RASGEF1C: variants seen among roughly 807,000 people sequenced by gnomAD.
The protein encoded by RASGEF1C is RasGEF domain family member 1C, also known as ras-GEF domain-containing family member 1C.
A neutral mutation model predicts 58.1 loss-of-function variants in RASGEF1C; 27 were observed. The observed-to-expected ratio is 0.46, with a 90% confidence interval of 0.34 to 0.64. RASGEF1C has a LOEUF of 0.64. Ranked by LOEUF, RASGEF1C falls within the 30% of genes least tolerant of loss-of-function variation. The pLI, the probability that RASGEF1C is intolerant of heterozygous loss-of-function variation, is 0.01. For missense variants in RASGEF1C, 502 were observed against 605.1 expected, an observed-to-expected ratio of 0.83 and a Z score of 1.79; for synonymous variants, 243 against 246.3, an observed-to-expected ratio of 0.99 and a Z score of 0.13.
intron 3 of RASGEF1C, chr5:180,136,801 C>G (rs986416752): frequency 2.2e-6 from 1 of 464,356 alleles, no homozygotes; most frequent in Non-Finnish European, 3.9e-6. Context: ...GTCCTCAGAG[C>G]AGGGGACCCT....
chr5:180,199,405 A>G (rs955355313), intron 1 of RASGEF1C, among the ~76,000 whole-genome samples: 1 of 152,198 alleles, frequency 6.6e-6, no homozygotes, highest in Admixed American at 6.5e-5. Context: ...GCCAGAAAGG[A>G]CACTAAACAA....
chr5:180,177,295 G>A lies in RASGEF1C; in HGVS notation c.-7+31733C>T, dbSNP rs1178753222. 1.3e-5 allele frequency among the ~76,000 whole-genome samples: 2 copies of A among 152,222 alleles called. No individual in the cohort carries two copies. The highest frequency in any genetic ancestry group is 4.8e-5 in the African/African-American group (2 of 41,464). ...CTTTCCGGCCCCACCTCCCCACCCA[G>A]TGAAGGGGCTGGCCTGCCCGGCTCA... is the stretch of plus-strand genomic sequence containing the variant. On this transcript the variant is annotated intron_variant, in intron 1 of 13. Transcript: ENST00000361132. The surrounding 1 kb of genome is among the most constrained non-coding windows in gnomAD (Gnocchi z 5.0).
chr5:180,167,990 C>T (rs748677826), intron 1 of RASGEF1C, among the ~76,000 whole-genome samples: 5 of 152,176 alleles, frequency 3.3e-5, no homozygotes, highest in African/African-American at 2.4e-5. Context: ...TGCTACCTAG[C>T]GGCCAGTCTG....
intron 8 of RASGEF1C, 38 bp downstream of exon 8, chr5:180,119,308 C>G (rs774254070): frequency 1.5e-5 from 23 of 1,538,630 alleles, no homozygotes; most frequent in Non-Finnish European, 2.1e-5. Context: ...TCGGGGGACC[C>G]GTGCACTGGG....
At chr5:180,180,032 G>A (rs1335101543) in intron 1 of RASGEF1C, among the ~76,000 whole-genome samples, 1 of 152,224 alleles carries the variant, frequency 6.6e-6, no homozygotes, top group Admixed American at 6.5e-5. Context: ...GGAGCTGCCA[G>A]CTAGGCGGGG....
chr5:180,185,161 G>A (rs944928484), intron 1 of RASGEF1C, among the ~76,000 whole-genome samples: 3 of 151,812 alleles, frequency 2.0e-5, no homozygotes, highest in Non-Finnish European at 4.4e-5. Flanking sequence ...GTGTAGTGGC[G>A]GGCACCTGTA....
intron 1 of RASGEF1C, among the ~76,000 whole-genome samples, chr5:180,191,118 T>C (rs1046577700): frequency 1.3e-5 from 2 of 152,188 alleles, no homozygotes; most frequent in Admixed American, 1.3e-4. Context: ...TTAGAACGGC[T>C]AAAACTTAAA....
Position 180,174,514 on chromosome 5 carries a change from G to A in RASGEF1C, c.-7+34514C>T, listed in dbSNP as rs375034126. 3.1e-4 allele frequency among the ~76,000 whole-genome samples: 46 copies of A among 149,762 alleles called. No individual in the cohort carries two copies. In the South Asian group the frequency reaches 4.4e-3, roughly 14 times the overall value. ...CGCGTGTGTGTCTGTGTGTGCGTGCGCGTACACACGTGTGTCTCTGTGTGT... is the reference window on the plus strand; with the variant it reads ...CGCGTGTGTGTCTGTGTGTGCGTGCACGTACACACGTGTGTCTCTGTGTGT... On this transcript the variant is annotated intron_variant, in intron 1 of 13. Transcript: ENST00000361132.
chr5:180,191,435 C>A (rs1055730418), intron 1 of RASGEF1C, among the ~76,000 whole-genome samples: 2 of 152,140 alleles, frequency 1.3e-5, no homozygotes, highest in Non-Finnish European at 2.9e-5. Flanking sequence ...CAGCTCACTG[C>A]AAGCTCCGCC....
rs568009159 is a variant in RASGEF1C at position 180,107,049 on chromosome 5, A to G, written c.1303+4408T>C. ...TGTTTCTGGTAATTTTCTTTCTCCT[A>G]AAGTGTGCTTTATCTGAAATTAATA... On this transcript the variant is annotated intron_variant, in intron 12 of 13. Transcript: ENST00000361132. Among the ~76,000 whole-genome samples, 13 of 152,280 alleles carry G rather than the reference A, an allele frequency of 8.5e-5. No individual in the cohort carries two copies. The South Asian group carries it at 2.7e-3, about 32-fold the overall frequency.
intron 8 of RASGEF1C, 79 bp downstream of exon 8, chr5:180,119,267 C>G: frequency 8.1e-7 from 1 of 1,231,090 alleles, no homozygotes; most frequent in South Asian, 1.2e-5. Context: ...GGCTTGCACT[C>G]TGCCTGCCTG....
At chr5:180,110,356 G>C (rs1765938314) in intron 12 of RASGEF1C, among the ~76,000 whole-genome samples, 1 of 147,646 alleles carries the variant, frequency 6.8e-6, no homozygotes, top group Admixed American at 6.7e-5. Context: ...AAAGTTGAAA[G>C]TATTCAAAAG....
intron 1 of RASGEF1C, among the ~76,000 whole-genome samples, chr5:180,157,157 T>C (rs1465093917): frequency 6.6e-6 from 1 of 152,248 alleles, no homozygotes; most frequent in Non-Finnish European, 1.5e-5. Context: ...GCAATCTCAT[T>C]TCTTGGTATT....
chr5:180,116,828 TG>T (rs1766075906), intron 10 of RASGEF1C, among the ~76,000 whole-genome samples: 1 of 152,242 alleles, frequency 6.6e-6, no homozygotes, highest in Admixed American at 6.5e-5. Context: ...ACACACCCAC[TG>T]CCTGGGAACA....
At chr5:180,109,649 T>C (rs966875901) in intron 12 of RASGEF1C, among the ~76,000 whole-genome samples, 2 of 152,118 alleles carry the variant, frequency 1.3e-5, no homozygotes, top group Admixed American at 1.3e-4. Context: ...CAGGTGTCCT[T>C]ATAAGAGGAC....
At chr5:180,152,462 G>A (rs1034670204) in intron 1 of RASGEF1C, among the ~76,000 whole-genome samples, 3 of 149,040 alleles carry the variant, frequency 2.0e-5, no homozygotes, top group African/African-American at 5.0e-5. Context: ...CTATCGCAAG[G>A]ACAAAAAGCC....
chr5:180,192,389 T>C (rs994837140), intron 1 of RASGEF1C, among the ~76,000 whole-genome samples: 5 of 152,108 alleles, frequency 3.3e-5, no homozygotes, highest in African/African-American at 1.2e-4. Context: ...CTCACTGGGG[T>C]GAGGCTCTCA....
Position 180,101,505 on chromosome 5 carries a change from G to A in RASGEF1C, c.1397C>T (p.Thr466Ile). The change falls in exon 14 of 14, where the codon ACA becomes ATA. Residue 466 changes from threonine to isoleucine, a missense_variant. Physicochemically the swap from Thr to Ile is moderately conservative, Grantham distance 89. Transcript: ENST00000361132. ...TCGTCCCTCAGCTCAGCGCTTTCAT[G>A]TCTTCCCCAAAATAGAAGATCTGCA... is the stretch of plus-strand genomic sequence containing the variant. ...KALRSSILGK[T>I] is the part of the protein sequence containing the mutation. The A allele has an allele frequency of 6.2e-7, 1 of 1,611,946 alleles. No homozygotes were observed. Among genetic ancestry groups the A allele is most frequent in the South Asian group, 1.1e-5 (1 of 91,044 alleles).
chr5:180,120,571 C>T (rs962672359), intron 7 of RASGEF1C, among the ~76,000 whole-genome samples: 3 of 152,146 alleles, frequency 2.0e-5, no homozygotes, highest in Non-Finnish European at 2.9e-5. Context: ...TGTGGCCAGG[C>T]GGGACCGCGA....
Sources: allele counts gnomAD v4.1 joint callset (sites outside exome capture counted in the v4.1 genomes callset), GRCh38; gene constraint gnomAD v4.1.1; non-coding constraint Gnocchi (gnomAD v3.1); transcripts MANE v1.5; gene names NCBI Gene and HGNC (gene_info 2026-07-23, HGNC 2026-07-21).